The following FRMPD4 variants were observed in gnomAD, a reference collection of about 807,000 sequenced individuals.
FRMPD4 encodes FERM and PDZ domain-containing protein 4.
FRMPD4 carries 22 observed loss-of-function variants against 94.1 expected under a neutral mutation model. The ratio of observed to expected loss-of-function variants is 0.23; its 90% CI spans 0.17 to 0.33. FRMPD4 has a LOEUF of 0.33. Ranked by LOEUF, FRMPD4 falls within the 10% of genes least tolerant of loss-of-function variation. FRMPD4 has a pLI of 1.00. For missense variants in FRMPD4, 1,111 were observed against 1,339.9 expected, an observed-to-expected ratio of 0.83 and a Z score of 2.67; for synonymous variants, 631 against 548.6, an observed-to-expected ratio of 1.15 and a Z score of -2.10.
At chrX:12,393,486 CAATT>C (rs2056504151) in intron 1 of FRMPD4, among the ~76,000 whole-genome samples, 3 of 111,833 alleles carry the variant, frequency 2.7e-5, no homozygotes, top group African/African-American at 9.7e-5. Context: ...GGTTGGAAAA[CAATT>C]AAGTTGGTAT....
chrX:12,352,433 G>A (rs1045993725), intron 1 of FRMPD4, among the ~76,000 whole-genome samples: 41 of 112,122 alleles, frequency 3.7e-4, no homozygotes, highest in African/African-American at 1.3e-3. Context: ...TCAAAGATAC[G>A]TGGGATTATG....
intron 2 of FRMPD4, among the ~76,000 whole-genome samples, chrX:12,538,482 T>A (rs1157905224): frequency 4.5e-5 from 5 of 111,405 alleles, no homozygotes; most frequent in Non-Finnish European, 9.4e-5. Context: ...GAGTAGTGGT[T>A]CTCCCAGCAC....
intron 1 of FRMPD4, among the ~76,000 whole-genome samples, chrX:12,386,124 C>T (rs1354123172): frequency 8.9e-6 from 1 of 112,315 alleles, no homozygotes; most frequent in Non-Finnish European, 1.9e-5. Context: ...CTATCTGCCT[C>T]ATAATTGGAA....
chrX:12,200,282 C>A (rs1351668322), intron 1 of FRMPD4, among the ~76,000 whole-genome samples: 1 of 111,226 alleles, frequency 9.0e-6, no homozygotes, highest in Non-Finnish European at 1.9e-5. Flanking sequence ...AGCCTATGCC[C>A]AGGAATGAAC....
intron 1 of FRMPD4, among the ~76,000 whole-genome samples, chrX:11,859,954 A>C (rs1380621901): frequency 9.0e-6 from 1 of 111,723 alleles, no homozygotes; most frequent in African/African-American, 3.3e-5. Context: ...TGTTGTGTGC[A>C]CTTGTCCTAC....
At chrX:12,024,644 G>A (rs765388544) in intron 3 of FRMPD4, among the ~76,000 whole-genome samples, 5 of 111,855 alleles carry the variant, frequency 4.5e-5, no homozygotes, top group Admixed American at 2.8e-4. Context: ...CTTCCTGATC[G>A]CATTTTCCCT....
intron 1 of FRMPD4, among the ~76,000 whole-genome samples, chrX:12,240,458 C>T (rs1056023040): frequency 5.4e-5 from 6 of 111,990 alleles, no homozygotes; most frequent in African/African-American, 1.6e-4. Flanking sequence ...GAGTCAATGT[C>T]AGACATTTTA....
intron 1 of FRMPD4, chrX:12,494,860 A>T (rs1295251617): frequency 8.3e-6 from 1 of 120,545 alleles, no homozygotes; most frequent in East Asian, 2.8e-4. Context: ...CAGTTCAGTC[A>T]GTCGCTGGGA....
chrX:12,719,338 T>C (rs1019313646), intron 16 of FRMPD4, among the ~76,000 whole-genome samples: 6 of 112,253 alleles, frequency 5.3e-5, no homozygotes, highest in African/African-American at 1.9e-4. Flanking sequence ...GTCAGGAAGA[T>C]TTTGAGGCTA....
At chrX:12,073,887 G>A (rs903653103) in intron 3 of FRMPD4, among the ~76,000 whole-genome samples, 8 of 111,383 alleles carry the variant, frequency 7.2e-5, no homozygotes, top group Middle Eastern at 4.2e-3. Flanking sequence ...TGTTTTAATC[G>A]GTATTTTTCT....
At position 12,128,810 on chromosome X, in the gene FRMPD4, C is replaced by A. The variant is rs150359787; in HGVS notation, c.95+250792C>A. Among the ~76,000 whole-genome samples the A allele has an allele frequency of 2.2e-3, 243 of 112,044 alleles. 2 individuals carry two copies. Among genetic ancestry groups the A allele is most frequent in the African/African-American group, 7.5e-3 (233 of 30,862 alleles). On this transcript the variant is annotated intron_variant, in intron 3 of 18. Coordinates refer to the FRMPD4 transcript ENST00000640291. ...GCTTAGAAATTTCTTCTGCCAGATA[C>A]CCTAAATCATCTCTTTCAATGTCAA...
intron 1 of FRMPD4, among the ~76,000 whole-genome samples, chrX:12,361,961 C>G (rs1444212264): frequency 9.0e-6 from 1 of 111,391 alleles, no homozygotes; most frequent in Non-Finnish European, 1.9e-5. Flanking sequence ...TCCTCTTTTT[C>G]TCATTGGATT....
chrX:12,276,246 G>C (rs926064170), intron 1 of FRMPD4, among the ~76,000 whole-genome samples: 4 of 112,321 alleles, frequency 3.6e-5, no homozygotes, highest in African/African-American at 1.3e-4. Context: ...ATATTTTGAA[G>C]AGATTTATTC....
rs767364555 is a variant in FRMPD4 at position 12,297,633 on chromosome X, T to C, written c.41+158621T>C. 9.0e-5 allele frequency among the ~76,000 whole-genome samples: 10 copies of C among 110,839 alleles called. No homozygotes were observed. The East Asian group carries it at 2.8e-3, about 31-fold the overall frequency. On this transcript the variant is annotated intron_variant, in intron 1 of 16. Coordinates refer to ENST00000675598, the MANE Select transcript of FRMPD4 (RefSeq NM_001368397.1). Reference sequence around the variant, plus strand: ...GAGAACTATAGGAGAGAAGGCAGAATTGTGGGAGAGACAGGGATTTGTAGA... The same window carrying C: ...GAGAACTATAGGAGAGAAGGCAGAACTGTGGGAGAGACAGGGATTTGTAGA...
At chrX:12,026,351 T>A (rs961618264) in intron 3 of FRMPD4, among the ~76,000 whole-genome samples, 1 of 111,867 alleles carries the variant, frequency 8.9e-6, no homozygotes, top group Non-Finnish European at 1.9e-5. Flanking sequence ...GGGATGGAGA[T>A]AAAAACTTAA....
chrX:12,313,027 G>C (rs2055059771), intron 1 of FRMPD4, among the ~76,000 whole-genome samples: 1 of 111,646 alleles, frequency 9.0e-6, no homozygotes, highest in East Asian at 2.8e-4. Context: ...TGTCTCAAAA[G>C]AAGGAGGAAA....
chrX:12,436,816 C>T (rs1344395801), intron 1 of FRMPD4, among the ~76,000 whole-genome samples: 2 of 111,220 alleles, frequency 1.8e-5, no homozygotes, highest in Non-Finnish European at 3.8e-5. Flanking sequence ...GCATATTCAT[C>T]ACCTTAAATA....
chrX:11,876,500 T>G (rs897813471), intron 2 of FRMPD4, among the ~76,000 whole-genome samples: 6 of 111,493 alleles, frequency 5.4e-5, no homozygotes, highest in African/African-American at 2.0e-4. Context: ...AGGCATAGTT[T>G]TCCAGAACAA....
At chrX:12,112,618 G>T (rs1183880886) in intron 3 of FRMPD4, among the ~76,000 whole-genome samples, 1 of 111,234 alleles carries the variant, frequency 9.0e-6, no homozygotes, top group Non-Finnish European at 1.9e-5. Context: ...CCAAGATCTG[G>T]AGTATTATTT....
Sources: allele counts gnomAD v4.1 joint callset (sites outside exome capture counted in the v4.1 genomes callset), GRCh38; gene constraint gnomAD v4.1.1; transcripts MANE v1.5; gene names NCBI Gene and HGNC (gene_info 2026-07-23, HGNC 2026-07-21).